The following DPP6 variants were observed in gnomAD, a reference collection of about 807,000 sequenced individuals.
The protein encoded by DPP6 is A-type potassium channel modulatory protein DPP6.
A neutral mutation model predicts 122.6 loss-of-function variants in DPP6; 69 were observed. That is an observed-to-expected ratio of 0.56 (90% CI 0.46 to 0.69). DPP6 has a LOEUF of 0.69. DPP6 is among the 30% of genes least tolerant of loss of function. The pLI, the probability that DPP6 is intolerant of heterozygous loss-of-function variation, is 0.00. For synonymous variants in DPP6, 418 were observed against 433.1 expected (o/e 0.97, Z 0.43); for missense variants, 928 against 1,116.9 (o/e 0.83, Z 2.41).
intron 1 of DPP6, among the ~76,000 whole-genome samples, chr7:154,287,400 G>C (rs575958356): frequency 2.0e-5 from 3 of 152,304 alleles, no homozygotes; most frequent in African/African-American, 7.2e-5. Flanking sequence ...CAGGTTGCCG[G>C]GGTTTGGACA....
At chr7:154,149,928 C>T (rs998080568) in intron 1 of DPP6, among the ~76,000 whole-genome samples, 19 of 152,120 alleles carry the variant, frequency 1.2e-4, no homozygotes, top group Non-Finnish European at 2.6e-4. Flanking sequence ...CATTGCTTCC[C>T]ACACAAGCTC....
intron 1 of DPP6, among the ~76,000 whole-genome samples, chr7:154,337,448 A>G (rs1809524878): frequency 6.6e-6 from 1 of 152,214 alleles, no homozygotes; most frequent in South Asian, 2.1e-4. Flanking sequence ...CCACAATCTG[A>G]ATTTTTAGAA....
At chr7:154,739,153 T>C (rs978182177) in intron 8 of DPP6, among the ~76,000 whole-genome samples, 6 of 152,154 alleles carry the variant, frequency 3.9e-5, no homozygotes, top group Non-Finnish European at 8.8e-5. Flanking sequence ...GCATGACTCA[T>C]TGTCCAGAAC....
At chr7:153,794,697 C>A in the DPP6 span, among the ~76,000 whole-genome samples, 1 of 152,112 alleles carries the variant, frequency 6.6e-6, no homozygotes, top group Non-Finnish European at 1.5e-5. Context: ...TATGGTTCGG[C>A]TCTGTCCCCA....
chr7:154,073,899 T>C (rs1803312821), intron 1 of DPP6, among the ~76,000 whole-genome samples: 1 of 152,138 alleles, frequency 6.6e-6, no homozygotes, highest in Non-Finnish European at 1.5e-5. Context: ...GGCAGGAGAA[T>C]TGCTTGAACC....
intron 1 of DPP6, among the ~76,000 whole-genome samples, chr7:154,060,810 C>G (rs1437958979): frequency 7.5e-6 from 1 of 132,928 alleles, no homozygotes; most frequent in Admixed American, 7.2e-5. Context: ...GGGACGCACC[C>G]CCCATGAGGC....
At chr7:154,091,100 A>G (rs191653982) in intron 1 of DPP6, among the ~76,000 whole-genome samples, 3,698 of 150,466 alleles carry the variant, frequency 0.025, 155 homozygotes, top group African/African-American at 0.083. Context: ...CAGCTTGGGC[A>G]ACAGAGCAAG....
intron 1 of DPP6, among the ~76,000 whole-genome samples, chr7:154,432,874 A>G (rs1203646056): frequency 6.6e-6 from 1 of 152,176 alleles, no homozygotes; most frequent in Non-Finnish European, 1.5e-5. Context: ...CTGCCCTCAT[A>G]TAATGTGTAC....
intron 10 of DPP6, among the ~76,000 whole-genome samples, chr7:154,783,993 A>T (rs1180511455): frequency 1.3e-5 from 2 of 151,974 alleles, no homozygotes; most frequent in African/African-American, 2.4e-5. Flanking sequence ...TATTTTCATC[A>T]TTTTCTATAG....
At chr7:154,642,123 G>A (rs1049476438) in intron 6 of DPP6, among the ~76,000 whole-genome samples, 28 of 152,180 alleles carry the variant, frequency 1.8e-4, no homozygotes, top group African/African-American at 5.1e-4. Flanking sequence ...TATCTAGGTC[G>A]AGAATGTACA....
At chr7:154,713,744 CTG>C (rs1352695549) in intron 7 of DPP6, among the ~76,000 whole-genome samples, 2 of 152,144 alleles carry the variant, frequency 1.3e-5, no homozygotes, top group African/African-American at 2.4e-5. Context: ...GTCTCCAGAC[CTG>C]TGATGGGAGG....
intron 1 of DPP6, among the ~76,000 whole-genome samples, chr7:154,077,766 G>A (rs1443201963): frequency 5.9e-5 from 9 of 151,730 alleles, no homozygotes; most frequent in Non-Finnish European, 1.0e-4. Flanking sequence ...CGCCTCCCGG[G>A]TTCAAGCAAT....
chr7:154,288,377 G>T (rs1804988299), intron 1 of DPP6, among the ~76,000 whole-genome samples: 1 of 152,158 alleles, frequency 6.6e-6, no homozygotes. Flanking sequence ...AGCTACCCAG[G>T]GTTCCCACTG....
intron 1 of DPP6, among the ~76,000 whole-genome samples, chr7:154,147,141 A>T: frequency 6.6e-6 from 1 of 152,098 alleles, no homozygotes; most frequent in East Asian, 1.9e-4. Context: ...TCCTCATGAA[A>T]TCTTGGCTTT....
intron 1 of DPP6, among the ~76,000 whole-genome samples, chr7:154,216,992 A>G (rs767576035): frequency 2.0e-5 from 3 of 152,028 alleles, no homozygotes; most frequent in Non-Finnish European, 2.9e-5. Flanking sequence ...TCCTAATTGC[A>G]TGTTCCATAT....
intron 5 of DPP6, among the ~76,000 whole-genome samples, chr7:154,570,497 T>C (rs897841841): frequency 6.6e-6 from 1 of 152,006 alleles, no homozygotes; most frequent in African/African-American, 2.4e-5. Context: ...GCAAATATAT[T>C]TGTGGTGTGT....
intron 1 of DPP6, among the ~76,000 whole-genome samples, chr7:154,170,107 C>T (rs1488674380): frequency 6.6e-6 from 1 of 152,138 alleles, no homozygotes; most frequent in Non-Finnish European, 1.5e-5. Context: ...AATTCTGGCA[C>T]CTACCTCGCC....
Position 154,023,544 on chromosome 7 carries a change from C to T in DPP6, c.51+135810C>T, listed in dbSNP as rs1213094799. Among the ~76,000 whole-genome samples, 6 of 151,714 alleles carry T rather than the reference C, an allele frequency of 4.0e-5. No homozygotes were observed. The South Asian group carries it at 6.2e-4, about 16-fold the overall frequency. Reference sequence around the variant, plus strand: ...TTGCCCAGGCTGGAGTCCAATGGTACGATCTCAGCTCATTGCAACCTCCGC... The same window carrying T: ...TTGCCCAGGCTGGAGTCCAATGGTATGATCTCAGCTCATTGCAACCTCCGC... On this transcript the variant is annotated intron_variant, in intron 1 of 25. Coordinates refer to the DPP6 transcript ENST00000404039.
chr7:154,343,227 G>C (rs891224603), intron 1 of DPP6, among the ~76,000 whole-genome samples: 3 of 152,212 alleles, frequency 2.0e-5, no homozygotes, highest in African/African-American at 7.2e-5. Context: ...GTGGCTTCCT[G>C]ATTTTACAGA....
Sources: allele counts gnomAD v4.1 joint callset (sites outside exome capture counted in the v4.1 genomes callset), GRCh38; gene constraint gnomAD v4.1.1; transcripts MANE v1.5; gene names NCBI Gene and HGNC (gene_info 2026-07-23, HGNC 2026-07-21).